Variants in AGFG1 observed in about 807,000 individuals in gnomAD.
AGFG1 encodes the protein ArfGAP with FG repeats 1, also known as arf-GAP domain and FG repeat-containing protein 1.
Under a neutral mutation model 60.6 loss-of-function variants are expected in AGFG1, and 10 were observed. The ratio of observed to expected loss-of-function variants is 0.16; its 90% CI spans 0.10 to 0.28. AGFG1 has a LOEUF of 0.28. Among genes scored for constraint, AGFG1 ranks in the 10% least tolerant of loss-of-function variants. The pLI, the probability that AGFG1 is intolerant of heterozygous loss-of-function variation, is 1.00. For synonymous variants in AGFG1, 247 were observed against 242.9 expected (o/e 1.02, Z -0.16); for missense variants, 537 against 676.5 (o/e 0.79, Z 2.29).
rs940647757 is a variant in AGFG1, at chr2:227,536,625, C to G, written c.1206C>G (p.Ser402Arg). 6.8e-6 allele frequency: 11 copies of G among 1,612,150 alleles called. No homozygotes were observed. Among genetic ancestry groups the G allele is most frequent in the Admixed American group, 5.0e-5 (3 of 59,820 alleles). The part of the protein sequence containing the change: ...NAYTSTSNAS[S>R]NVFGTVPVVA... ...GAACTCTTTCAATATTTGTTCTCAG[C>G]AATGTTTTTGGAACAGTGCCAGTGG... The change falls in exon 9 of 13, where the codon AGC becomes AGG. Residue 402 changes from serine (S) to arginine (R), a missense_variant and splice_region_variant. This residue lies in a region of AGFG1 where 287 missense variants were observed against 343.6 expected (regional missense o/e 0.84). Transcript: ENST00000310078.
At chr2:227,504,126 C>T (rs1040198676) in intron 2 of AGFG1, among the ~76,000 whole-genome samples, 3 of 151,032 alleles carry the variant, frequency 2.0e-5, no homozygotes, top group African/African-American at 4.9e-5. Context: ...GTCTTGCTGT[C>T]TTGGAGATAA....
At chr2:227,525,205 T>C (rs570669806) in intron 5 of AGFG1, among the ~76,000 whole-genome samples, 155 of 152,362 alleles carry the variant, frequency 1.0e-3, no homozygotes, top group Non-Finnish European at 1.2e-3. Context: ...AGTAATTGGA[T>C]ACTCTAACGT....
At chr2:227,520,972 GCA>G (rs1691808273) in intron 3 of AGFG1, among the ~76,000 whole-genome samples, 1 of 152,196 alleles carries the variant, frequency 6.6e-6, no homozygotes, top group Non-Finnish European at 1.5e-5. Flanking sequence ...GTGGTTTACA[GCA>G]GAGGTCTTTA....
At chr2:227,485,520 G>A (rs1690608286) in intron 1 of AGFG1, among the ~76,000 whole-genome samples, 1 of 151,576 alleles carries the variant, frequency 6.6e-6, no homozygotes, top group Non-Finnish European at 1.5e-5. Flanking sequence ...ACAGGTGTGA[G>A]CCACCGCACC....
At chr2:227,532,228 T>C (rs545298387) in intron 6 of AGFG1, 1 of 1,530,012 alleles carries the variant, frequency 6.5e-7, no homozygotes, top group Non-Finnish European at 8.8e-7. Flanking sequence ...TGTTGTCAAG[T>C]AGGCATCTTA....
intron 10 of AGFG1, among the ~76,000 whole-genome samples, chr2:227,544,074 C>T (rs1216007654): frequency 6.6e-6 from 1 of 151,410 alleles, no homozygotes; most frequent in Non-Finnish European, 1.5e-5. Context: ...TATGTCTCTG[C>T]ACGTGAGATG....
At chr2:227,530,452 C>T (rs1370443289) in intron 5 of AGFG1, among the ~76,000 whole-genome samples, 3 of 151,968 alleles carry the variant, frequency 2.0e-5, no homozygotes, top group Non-Finnish European at 4.4e-5. Flanking sequence ...ATGTTTGGGG[C>T]TCTGAATTAT....
intron 11 of AGFG1, among the ~76,000 whole-genome samples, chr2:227,552,493 T>C (rs1178591273): frequency 6.6e-6 from 1 of 152,130 alleles, no homozygotes; most frequent in Non-Finnish European, 1.5e-5. Flanking sequence ...ATGTGTACCT[T>C]TTTGTGTGTG....
chr2:227,536,572 ACTTT>A (rs1238461559), intron 8 of AGFG1, 49 bp from the exon 9 acceptor site: 27 of 1,480,028 alleles, frequency 1.8e-5, no homozygotes, highest in Admixed American at 1.4e-4. Context: ...GTAAATCGTT[ACTTT>A]CTTTTTTTTT....
chr2:227,524,257 A>G (rs1323332341), intron 4 of AGFG1, among the ~76,000 whole-genome samples: 1 of 152,058 alleles, frequency 6.6e-6, no homozygotes, highest in Non-Finnish European at 1.5e-5. Context: ...ATCTATGGTG[A>G]CCATCAGAGT....
intron 2 of AGFG1, among the ~76,000 whole-genome samples, chr2:227,494,018 T>TAGGAAATATACTAACCTTGTAAA (rs2106172281): frequency 6.6e-6 from 1 of 152,154 alleles, no homozygotes; most frequent in Non-Finnish European, 1.5e-5. Context: ...AATAGGTTGC[T>TAGGAAATATACTAACCTTGTAAA]AGGAAATATA....
rs1690111986 is a variant in AGFG1, at chr2:227,472,272, A to C, written c.-150A>C. On this transcript the variant is annotated 5_prime_UTR_variant, in exon 1 of 13. Coordinates refer to ENST00000310078, the MANE Select transcript of AGFG1 (RefSeq NM_004504.5). ...GCCCGGGCCGCGTCGAGCCCAGTACAGCCAAGCCGCTGCGGCCGGGTCCGG... is the reference window on the plus strand; with the variant it reads ...GCCCGGGCCGCGTCGAGCCCAGTACCGCCAAGCCGCTGCGGCCGGGTCCGG... 3.1e-6 allele frequency: 1 copy of C among 327,404 alleles called. No individual in the cohort carries two copies. The highest frequency in any genetic ancestry group is 6.6e-5 in the Admixed American group (1 of 15,244). 20.3% of individuals were successfully genotyped at this position (327,404 alleles called of 1,614,324 possible).
chr2:227,482,856 C>T (rs1397062828), intron 1 of AGFG1, among the ~76,000 whole-genome samples: 2 of 152,154 alleles, frequency 1.3e-5, no homozygotes, highest in Non-Finnish European at 2.9e-5. Context: ...TCCTGGGGAT[C>T]TGCAGATGTC....
chr2:227,515,297 T>C (rs1353549402), intron 2 of AGFG1, among the ~76,000 whole-genome samples: 1 of 152,152 alleles, frequency 6.6e-6, no homozygotes, highest in African/African-American at 2.4e-5. Flanking sequence ...CACGTAGATA[T>C]CTGCATGGCC....
intron 11 of AGFG1, 145 bp downstream of exon 11, chr2:227,552,262 T>C: frequency 9.4e-7 from 1 of 1,062,768 alleles, no homozygotes; most frequent in Non-Finnish European, 1.3e-6. Flanking sequence ...AAGCCTTTGG[T>C]GATTTGGACC....
chr2:227,483,854 TA>T (rs1488989736), intron 1 of AGFG1, among the ~76,000 whole-genome samples: 1 of 152,222 alleles, frequency 6.6e-6, no homozygotes, highest in Non-Finnish European at 1.5e-5. Context: ...CATGTTTAAT[TA>T]AAAAATTGGC....
In AGFG1 at chr2:227,510,209, C is replaced by A. The variant is rs145316614; in HGVS notation, c.262-9739C>A. ...TGCTCCTTACTGAAAGAAGAGAAGG[C>A]TTATTGCCCTGGGAAAACCACGAAA... On this transcript the variant is annotated intron_variant, in intron 2 of 12. Coordinates refer to ENST00000310078, the MANE Select transcript of AGFG1 (RefSeq NM_004504.5). 1.4e-3 allele frequency among the ~76,000 whole-genome samples: 219 copies of A among 152,192 alleles called. 2 individuals carry two copies. Among genetic ancestry groups the A allele is most frequent in the African/African-American group, 4.5e-3 (185 of 41,524 alleles).
At chr2:227,544,842 G>A (rs1692597091) in intron 10 of AGFG1, among the ~76,000 whole-genome samples, 1 of 152,112 alleles carries the variant, frequency 6.6e-6, no homozygotes, top group African/African-American at 2.4e-5. Context: ...TAGTCTAATG[G>A]GCTTCCTTTT....
At position 227,534,966 on chromosome 2, in the gene AGFG1, C is replaced by T. The variant is rs139146021; in HGVS notation, c.1146C>T (p.Ser382=). 55 of 1,613,306 alleles carry T rather than the reference C, an allele frequency of 3.4e-5. 1 individual carries two copies. The highest frequency in any genetic ancestry group is 2.2e-5 in the East Asian group (1 of 44,888). Reference sequence around the variant, plus strand: ...ATGCAGCTCTGGCAGAACTAGACAGCGTTTTCAGTTCTGCAGCCACCTCCA... The same window carrying T: ...ATGCAGCTCTGGCAGAACTAGACAGTGTTTTCAGTTCTGCAGCCACCTCCA... The part of the protein sequence containing the change: ...DKYAALAELD[S]VFSSAATSSN... Residue 382 remains serine (S), a synonymous_variant, in exon 8 of 13, where the codon AGC becomes AGT. Transcript: ENST00000310078.
Sources: gnomAD v4.1 joint callset for allele counts (sites outside exome capture counted in the v4.1 genomes callset) on GRCh38, gnomAD v4.1.1 for gene constraint, gnomAD v4.1.1 regional missense constraint, MANE v1.5 for transcripts, NCBI Gene and HGNC (gene_info 2026-07-23, HGNC 2026-07-21) for gene names.